The following CHRM5 variants were observed in gnomAD, a reference collection of about 807,000 sequenced individuals.
CHRM5 encodes cholinergic receptor muscarinic 5.
In CHRM5, 18 loss-of-function variants were observed where a neutral mutation model predicts 39.0. The ratio of observed to expected loss-of-function variants is 0.46; its 90% CI spans 0.32 to 0.68. CHRM5 has a LOEUF of 0.68. Ranked by LOEUF, CHRM5 falls within the 30% of genes least tolerant of loss-of-function variation. CHRM5 has a pLI of 0.04. For synonymous variants in CHRM5, 241 were observed against 246.3 expected, an observed-to-expected ratio of 0.98 and a Z score of 0.20; for missense variants, 515 against 651.1, an observed-to-expected ratio of 0.79 and a Z score of 2.28.
At chr15:33,973,559 A>G (rs978766790) in intron 1 of CHRM5, among the ~76,000 whole-genome samples, 3 of 151,940 alleles carry the variant, frequency 2.0e-5, no homozygotes, top group Non-Finnish European at 4.4e-5. Context: ...TCCATTGAAA[A>G]CCTATTTATG....
intron 1 of CHRM5, among the ~76,000 whole-genome samples, chr15:34,044,329 A>G (rs1357600458): frequency 6.6e-6 from 1 of 152,184 alleles, no homozygotes; most frequent in African/African-American, 2.4e-5. Flanking sequence ...TGGTCAGGTC[A>G]CTGGCCTAAT....
At chr15:34,013,175 T>A (rs1451547853) in intron 1 of CHRM5, among the ~76,000 whole-genome samples, 1 of 151,954 alleles carries the variant, frequency 6.6e-6, no homozygotes, top group Admixed American at 6.6e-5. Flanking sequence ...GATTCTCATG[T>A]CTCAGCCTCC....
intron 1 of CHRM5, among the ~76,000 whole-genome samples, chr15:34,041,829 A>G (rs1899488004): frequency 6.6e-6 from 1 of 152,216 alleles, no homozygotes; most frequent in African/African-American, 2.4e-5. Context: ...TGCTCAAGCT[A>G]GTAAGTAACA....
chr15:34,007,036 ATAG>A, intron 1 of CHRM5: 1 of 981,982 alleles, frequency 1.0e-6, no homozygotes, highest in South Asian at 4.7e-5. Context: ...TTTCACTGTA[ATAG>A]TTCATACCTG....
chr15:34,031,236 G>A lies in CHRM5; in HGVS notation c.-407-15304G>A, dbSNP rs28497501. Among the ~76,000 whole-genome samples, 484 of 136,082 alleles carry A rather than the reference G, an allele frequency of 3.6e-3. 2 individuals are homozygous for A. The highest frequency in any genetic ancestry group is 6.1e-3 in the Non-Finnish European group (400 of 66,036). The allele number at this position is 136,082 out of a possible 152,430, so 89.3% of individuals were successfully genotyped here. ...GTTGCCCAGGCTGGAATGCAATGGCGCGATCTCAGCTCACTGCAACCTCCG... is the reference window on the plus strand; with the variant it reads ...GTTGCCCAGGCTGGAATGCAATGGCACGATCTCAGCTCACTGCAACCTCCG... On this transcript the variant is annotated intron_variant, in intron 1 of 2. Coordinates refer to ENST00000383263, the MANE Select transcript of CHRM5 (RefSeq NM_012125.4).
At chr15:34,058,592 A>ACACG (rs1900236677) in intron 2 of CHRM5, among the ~76,000 whole-genome samples, 1 of 151,154 alleles carries the variant, frequency 6.6e-6, no homozygotes, top group Non-Finnish European at 1.5e-5. Context: ...ACACACACAC[A>ACACG]CAGCCTGAAG....
intron 1 of CHRM5, among the ~76,000 whole-genome samples, chr15:34,039,467 A>T (rs1899369823): frequency 6.6e-6 from 1 of 152,268 alleles, no homozygotes. Flanking sequence ...ACAAATACAT[A>T]CTAAAATGTT....
intron 1 of CHRM5, among the ~76,000 whole-genome samples, chr15:34,003,580 A>T (rs1295550445): frequency 6.6e-6 from 1 of 152,228 alleles, no homozygotes; most frequent in African/African-American, 2.4e-5. Context: ...CAATTTATGG[A>T]TATGGATTTT....
intron 1 of CHRM5, among the ~76,000 whole-genome samples, chr15:33,989,884 C>T (rs1277927220): frequency 1.3e-5 from 2 of 150,158 alleles, no homozygotes; most frequent in South Asian, 2.1e-4. Flanking sequence ...GCAATTGAGA[C>T]GGATACACTA....
intron 1 of CHRM5, chr15:34,003,260 T>C (rs763590622): frequency 1.5e-5 from 23 of 1,563,934 alleles, no homozygotes; most frequent in Non-Finnish European, 1.9e-5. Context: ...ATCCTGACCT[T>C]AGTAGACTTC....
At chr15:34,003,781 T>C (rs1360460040) in intron 1 of CHRM5, among the ~76,000 whole-genome samples, 1 of 152,228 alleles carries the variant, frequency 6.6e-6, no homozygotes, top group Non-Finnish European at 1.5e-5. Context: ...TAAGATTCCA[T>C]ACTCTAGAAT....
chr15:34,034,952 T>G (rs140391959), intron 1 of CHRM5, among the ~76,000 whole-genome samples: 106 of 152,332 alleles, frequency 7.0e-4, no homozygotes, highest in African/African-American at 2.3e-3. Context: ...GCTCTCAGTC[T>G]CTAGCTGGCT....
chr15:33,991,506 TAA>T (rs34217107), intron 1 of CHRM5: 26,753 of 145,582 alleles, frequency 0.18, 2,572 homozygotes, highest in Middle Eastern at 0.29. Context: ...AAATAAACTT[TAA>T]AAAAAAAAAA....
intron 1 of CHRM5, among the ~76,000 whole-genome samples, chr15:34,035,968 AT>A (rs1032072649): frequency 5.8e-4 from 88 of 151,590 alleles, no homozygotes; most frequent in African/African-American, 2.0e-3. Flanking sequence ...GCAGTTTTGT[AT>A]TTTTTTTATA....
At chr15:34,023,504 G>A (rs1223289878) in intron 1 of CHRM5, among the ~76,000 whole-genome samples, 2 of 152,168 alleles carry the variant, frequency 1.3e-5, no homozygotes, top group Admixed American at 6.5e-5. Flanking sequence ...GATGCTGTCA[G>A]GGTAGAGAAA....
intron 1 of CHRM5, among the ~76,000 whole-genome samples, chr15:33,973,356 G>T (rs769860275): frequency 1.3e-5 from 2 of 152,096 alleles, no homozygotes; most frequent in African/African-American, 4.8e-5. Context: ...AATCTATCAG[G>T]CTCAGTATAT....
At chr15:34,015,332 A>C (rs1361113756) in intron 1 of CHRM5, among the ~76,000 whole-genome samples, 4 of 151,894 alleles carry the variant, frequency 2.6e-5, no homozygotes, top group African/African-American at 9.7e-5. Context: ...AAATACAAAA[A>C]ATTAGCCAGG....
At chr15:34,047,603 A>T (rs1899758412) in intron 2 of CHRM5, among the ~76,000 whole-genome samples, 1 of 152,162 alleles carries the variant, frequency 6.6e-6, no homozygotes, top group South Asian at 2.1e-4. Context: ...TCCCAGCGGG[A>T]GGATGACTGT....
At chr15:33,991,172 A>G (rs2140568934) in intron 1 of CHRM5, 1 of 152,384 alleles carries the variant, frequency 6.6e-6, no homozygotes, top group South Asian at 2.1e-4. Context: ...AAAGCATTTA[A>G]GCAATCAACA....
Sources: allele counts gnomAD v4.1 joint callset (sites outside exome capture counted in the v4.1 genomes callset), GRCh38; gene constraint gnomAD v4.1.1; transcripts MANE v1.5; gene names NCBI Gene and HGNC (gene_info 2026-07-23, HGNC 2026-07-21).